The following FAS variants were observed in gnomAD, a reference collection of about 807,000 sequenced individuals.
The protein encoded by FAS is tumor necrosis factor receptor superfamily member 6.
FAS carries 5 observed loss-of-function variants against 33.2 expected under a neutral mutation model. That is an observed-to-expected ratio of 0.15 (90% CI 0.08 to 0.32). FAS has a LOEUF of 0.32. Among genes scored for constraint, FAS ranks in the 10% least tolerant of loss-of-function variants. The pLI is 1.00. For synonymous variants in FAS, 131 were observed against 130.7 expected, an observed-to-expected ratio of 1.00 and a Z score of -0.01; for missense variants, 339 against 386.0, an observed-to-expected ratio of 0.88 and a Z score of 1.02.
At position 88,994,888 on chromosome 10, in the gene FAS, T is replaced by A. The variant is rs187490290; in HGVS notation, c.30+3982T>A. Among the ~76,000 whole-genome samples the A allele has an allele frequency of 2.6e-5, 4 of 151,136 alleles. No homozygotes were observed. In the East Asian group the frequency reaches 5.8e-4, roughly 22 times the overall value. ...AAAGCATTTCTTAAATGTACTGGGA[T>A]ACATATATATATATGACTTTTTCTT... is the stretch of plus-strand genomic sequence containing the variant. On this transcript the variant is annotated intron_variant, in intron 1 of 8. Coordinates refer to ENST00000652046, the MANE Select transcript of FAS (RefSeq NM_000043.6).
chr10:88,970,650 A>G (rs1292461858), intron 1 of FAS, among the ~76,000 whole-genome samples: 1 of 152,132 alleles, frequency 6.6e-6, no homozygotes, highest in Non-Finnish European at 1.5e-5. Flanking sequence ...GCTGAGAATG[A>G]TGGTTGGGAA....
rs577445523 is a variant in FAS, at chr10:89,013,547, T to C, written c.676+180T>C. On this transcript the variant is annotated intron_variant, in intron 8 of 8. Transcript: ENST00000652046. ...GCAGTTTGTTTAAATTTATAATGAA[T>C]ACTCATAGTTAAAAATAATCAAGTA... Among the ~76,000 whole-genome samples, 6 of 152,316 alleles carry C rather than the reference T, an allele frequency of 3.9e-5. No individual in the cohort carries two copies. In the East Asian group the frequency reaches 1.2e-3, roughly 29 times the overall value.
At chr10:88,986,834 C>T (rs1846906592), upstream of FAS, among the ~76,000 whole-genome samples, 1 of 152,136 alleles carries the variant, frequency 6.6e-6, no homozygotes, top group African/African-American at 2.4e-5. Flanking sequence ...TTTTTTTCAT[C>T]TGAACTGTGA....
chr10:88,990,832 C>T lies in FAS; in HGVS notation c.-45C>T. ...CGCGGGTTGGTGGACCCGCTCAGTACGGAGTTGGGGAAGCTCTTTCACTTC... is the reference window on the plus strand; with the variant it reads ...CGCGGGTTGGTGGACCCGCTCAGTATGGAGTTGGGGAAGCTCTTTCACTTC... On this transcript the variant is annotated 5_prime_UTR_variant, in exon 1 of 9. It adds an upstream start codon to the 5' untranslated region. Transcript: ENST00000652046. This position sits in a 1 kb window ranked among gnomAD's most constrained non-coding sequence, Gnocchi z 4.9. 1.2e-6 allele frequency: 2 copies of T among 1,613,948 alleles called. No homozygotes were observed. The highest frequency in any genetic ancestry group is 1.7e-6 in the Non-Finnish European group (2 of 1,179,806).
At chr10:88,967,577 C>A (rs1926203) in intron 1 of FAS, among the ~76,000 whole-genome samples, 87,884 of 152,026 alleles carry the variant, frequency 0.58, 26,555 homozygotes, top group Non-Finnish European at 0.66. Flanking sequence ...AAATTATTAC[C>A]TGCAACGCAG....
chr10:88,970,378 G>T (rs750567324), intron 1 of FAS, among the ~76,000 whole-genome samples: 2 of 152,142 alleles, frequency 1.3e-5, no homozygotes, highest in East Asian at 3.9e-4. Context: ...GCAGCAAATT[G>T]CTGTGCCCTT....
At chr10:88,985,127 T>C (rs567304846), upstream of FAS, among the ~76,000 whole-genome samples, 2 of 152,296 alleles carry the variant, frequency 1.3e-5, no homozygotes, top group East Asian at 3.9e-4. Flanking sequence ...TCCAAGTTTA[T>C]CTCCCAGAAT....
In FAS at chr10:88,969,501, A is replaced by C. The variant is rs559345314; in HGVS notation, n.95-3681A>C. 2.8e-3 allele frequency among the ~76,000 whole-genome samples: 423 copies of C among 152,324 alleles called. 1 individual carries two copies. The highest frequency in any genetic ancestry group is 4.7e-3 in the Non-Finnish European group (319 of 68,026). The stretch of plus-strand genomic sequence containing the variant: ...GTGCAAAGGAGACTTTCAGAGCTTT[A>C]GGCTCCATCTGTCATGATCATTTTT... On this transcript the variant is annotated intron_variant and non_coding_transcript_variant, in intron 1 of 3. Transcript: ENST00000688239.
chr10:88,981,324 C>A (rs1270508963), intron 2 of FAS, among the ~76,000 whole-genome samples: 1 of 151,852 alleles, frequency 6.6e-6, no homozygotes, highest in Non-Finnish European at 1.5e-5. Flanking sequence ...TTTTCCTGTG[C>A]AGTTAAACCC....
chr10:89,011,950 A>C, intron 6 of FAS, 49 bp from the exon 7 acceptor site: 1 of 1,471,184 alleles, frequency 6.8e-7, no homozygotes, highest in Non-Finnish European at 9.5e-7. Flanking sequence ...TCTCACATGC[A>C]TTCTACAAGG....
chr10:88,964,362 A>T (rs1006199438), intron 1 of FAS, among the ~76,000 whole-genome samples: 2 of 152,226 alleles, frequency 1.3e-5, no homozygotes, highest in Non-Finnish European at 2.9e-5. Flanking sequence ...TGGCATCATC[A>T]ACAAAGAACA....
At chr10:89,012,360 A>T in intron 7 of FAS, 1 of 354,072 alleles carries the variant, frequency 2.8e-6, no homozygotes, top group Non-Finnish European at 5.4e-6. Context: ...TTTATTTTTT[A>T]TAGAGACAGG....
At chr10:89,008,252 T>G (rs564712441) in intron 3 of FAS, among the ~76,000 whole-genome samples, 1 of 152,332 alleles carries the variant, frequency 6.6e-6, no homozygotes, top group African/African-American at 2.4e-5. Flanking sequence ...GGATTTAGTT[T>G]GTCCTGATAA....
At chr10:89,007,670 C>G in intron 2 of FAS, 30 bp from the exon 3 acceptor site, 1 of 1,608,586 alleles carries the variant, frequency 6.2e-7, no homozygotes, top group Non-Finnish European at 8.5e-7. Context: ...GTGTCCTGTT[C>G]AAACACTTGC....
At position 88,995,743 on chromosome 10, in the gene FAS, T is replaced by C. The variant is rs536321179; in HGVS notation, c.30+4837T>C. ...CGGGAGGTCGCGGCAGGAGAATCAC[T>C]GGAACCTGGGAGGTGGAAGTTGCAG... On this transcript the variant is annotated intron_variant, in intron 1 of 8. Coordinates refer to ENST00000652046, the MANE Select transcript of FAS (RefSeq NM_000043.6). 5.9e-5 allele frequency among the ~76,000 whole-genome samples: 9 copies of C among 152,254 alleles called. No individual in the cohort carries two copies. The South Asian group carries it at 1.9e-3, about 32-fold the overall frequency.
chr10:89,007,862 A>G, intron 3 of FAS, 25 bp downstream of exon 3: 1 of 1,613,510 alleles, frequency 6.2e-7, no homozygotes, highest in East Asian at 2.2e-5. Flanking sequence ...ATGCAATTGA[A>G]AGAGGCCAAT....
At position 89,014,265 on chromosome 10, in the gene FAS, G is replaced by A; in HGVS notation, c.823G>A (p.Val275Ile). The change falls in exon 9 of 9, where the codon GTT (valine) becomes ATT (isoleucine). Residue 275 changes from valine to isoleucine, a missense_variant. Val to Ile is a conservative substitution (Grantham distance 29). Coordinates refer to ENST00000652046, the MANE Select transcript of FAS (RefSeq NM_000043.6). ...DNVQDTAEQK[V>I]QLLRNWHQLH... Reference sequence around the variant, plus strand: ...TGTCCAAGACACAGCAGAACAGAAAGTTCAACTGCTTCGTAATTGGCATCA... The same window carrying A: ...TGTCCAAGACACAGCAGAACAGAAAATTCAACTGCTTCGTAATTGGCATCA... The A allele has an allele frequency of 2.5e-6, 4 of 1,613,968 alleles. No homozygotes were observed. The highest frequency in any genetic ancestry group is 3.4e-6 in the Non-Finnish European group (4 of 1,179,934).
chr10:88,982,034 A>G (rs1211503707), upstream of FAS, among the ~76,000 whole-genome samples: 1 of 152,262 alleles, frequency 6.6e-6, no homozygotes, highest in Non-Finnish European at 1.5e-5. Context: ...GGTCTAACAC[A>G]TAGTGAGTGC....
intron 2 of FAS, among the ~76,000 whole-genome samples, chr10:89,005,888 C>T (rs1848200086): frequency 6.6e-6 from 1 of 152,154 alleles, no homozygotes; most frequent in South Asian, 2.1e-4. Flanking sequence ...ATCTGCCTGC[C>T]TTGGCCTCCC....
Sources: gnomAD v4.1 joint callset for allele counts (sites outside exome capture counted in the v4.1 genomes callset) on GRCh38, gnomAD v4.1.1 for gene constraint, Gnocchi (gnomAD v3.1) non-coding constraint, MANE v1.5 for transcripts, NCBI Gene and HGNC (gene_info 2026-07-23, HGNC 2026-07-21) for gene names.